The following KIF21A variants were observed in gnomAD, a reference collection of about 807,000 sequenced individuals.
The protein encoded by KIF21A is kinesin-like protein KIF21A.
Under a neutral mutation model 202.9 loss-of-function variants are expected in KIF21A, and 114 were observed. The ratio of observed to expected loss-of-function variants is 0.56; its 90% CI spans 0.48 to 0.66. The LOEUF (loss-of-function observed/expected upper bound fraction) is 0.66, where lower values mean the gene tolerates loss of function less well. Ranked by LOEUF, KIF21A falls within the 30% of genes least tolerant of loss-of-function variation. The pLI, the probability that KIF21A is intolerant of heterozygous loss-of-function variation, is 0.00. For synonymous variants in KIF21A, 667 were observed against 670.8 expected (o/e 0.99, Z 0.09); for missense variants, 1,677 against 1,994.9 (o/e 0.84, Z 3.04).
intron 1 of KIF21A, among the ~76,000 whole-genome samples, chr12:39,418,746 T>C (rs773978767): frequency 2.6e-5 from 4 of 152,220 alleles, no homozygotes; most frequent in Non-Finnish European, 5.9e-5. Context: ...TGTTACATGA[T>C]TGTGTTATAA....
chr12:39,327,315 T>C (rs1946050538), intron 24 of KIF21A, among the ~76,000 whole-genome samples: 1 of 152,138 alleles, frequency 6.6e-6, no homozygotes, highest in African/African-American at 2.4e-5. Flanking sequence ...TTACCTAAAA[T>C]AGAATCATAT....
intron 1 of KIF21A, among the ~76,000 whole-genome samples, chr12:39,408,568 T>TA (rs147323631): frequency 0.036 from 5,436 of 152,128 alleles, 338 homozygotes; most frequent in African/African-American, 0.12. Context: ...ATTCTCAAAC[T>TA]AAAAAAATAA....
chr12:39,332,596 G>A lies in KIF21A; in HGVS notation c.2851C>T (p.Leu951Phe). The A allele has an allele frequency of 6.2e-7, 1 of 1,611,556 alleles. No individual in the cohort carries two copies. Among genetic ancestry groups the A allele is most frequent in the Non-Finnish European group, 8.5e-7 (1 of 1,179,582 alleles). The change falls in exon 20 of 38, where the codon CTC becomes TTC. Residue 951 changes from leucine (L) to phenylalanine (F), a missense_variant. Coordinates refer to ENST00000361418, the MANE Select transcript of KIF21A (RefSeq NM_001173464.2). ...CTACTCTCTATTTTCCACACCTTGA[G>A]GAGTCTATTCATATCTGCCTCCATG... is the stretch of plus-strand genomic sequence containing the variant. Reference protein sequence around the residue: ...SNMEADMNRLLKQREELTKRR... With the variant: ...SNMEADMNRLFKQREELTKRR...
intron 1 of KIF21A, among the ~76,000 whole-genome samples, chr12:39,374,721 C>T (rs904712295): frequency 2.0e-5 from 3 of 152,090 alleles, no homozygotes; most frequent in African/African-American, 4.8e-5. Flanking sequence ...CATCACTTTA[C>T]TCTGTCACTG....
chr12:39,299,594 A>G, intron 37 of KIF21A, among the ~76,000 whole-genome samples: 1 of 152,084 alleles, frequency 6.6e-6, no homozygotes, highest in East Asian at 1.9e-4. Flanking sequence ...CAGCAATCTC[A>G]TTACTGGGTG....
chr12:39,370,046 T>C lies in KIF21A; in HGVS notation c.260A>G (p.Tyr87Cys). The change falls in exon 2 of 38, where the codon TAT becomes TGT. Residue 87 changes from tyrosine (Y) to cysteine (C), a missense_variant. Transcript: ENST00000361418. ...FEGYNATVFA[Y>C]GQTGAGKTYT... is the part of the protein sequence containing the mutation. The stretch of plus-strand genomic sequence containing the variant: ...AAATAATATGGCACTTACTTGTCCA[T>C]AAGCAAAAACTGTAGCATTGTATCC... 2 of 1,612,932 alleles carry C rather than the reference T, an allele frequency of 1.2e-6. No homozygotes were observed. Among genetic ancestry groups the C allele is most frequent in the Non-Finnish European group, 1.7e-6 (2 of 1,179,036 alleles).
At chr12:39,302,036 C>T (rs1943006951) in intron 36 of KIF21A, among the ~76,000 whole-genome samples, 1 of 152,102 alleles carries the variant, frequency 6.6e-6, no homozygotes, top group Non-Finnish European at 1.5e-5. Flanking sequence ...AAACTGCAAC[C>T]TGGTATGTGG....
chr12:39,421,794 T>C (rs969658420), intron 1 of KIF21A, among the ~76,000 whole-genome samples: 2 of 146,976 alleles, frequency 1.4e-5, no homozygotes, highest in African/African-American at 4.9e-5. Flanking sequence ...ATATGTATAA[T>C]TTTATATATT....
intron 1 of KIF21A, among the ~76,000 whole-genome samples, chr12:39,430,330 C>A (rs1239440883): frequency 6.6e-6 from 1 of 151,864 alleles, no homozygotes; most frequent in Non-Finnish European, 1.5e-5. Flanking sequence ...CTTTGGGAGG[C>A]CGAGGTGGGC....
At chr12:39,349,565 C>G (rs550371028) in intron 11 of KIF21A, among the ~76,000 whole-genome samples, 4 of 151,998 alleles carry the variant, frequency 2.6e-5, no homozygotes, top group Non-Finnish European at 4.4e-5. Flanking sequence ...TTCTGGAACT[C>G]TAGGTTTATT....
chr12:39,360,605 C>T (rs148073960), intron 7 of KIF21A, among the ~76,000 whole-genome samples: 43 of 152,166 alleles, frequency 2.8e-4, no homozygotes, highest in African/African-American at 1.0e-3. Flanking sequence ...GTTGGCCAGG[C>T]TGGTCTTCAA....
At position 39,333,226 on chromosome 12, in the gene KIF21A, G is replaced by T. The variant is rs751352937; in HGVS notation, c.2473C>A (p.Arg825Ser). The change falls in exon 18 of 38, where the codon CGC becomes AGC. Residue 825 changes from arginine to serine, a missense_variant. Physicochemically the swap from Arg to Ser is moderately radical, Grantham distance 110. This residue lies in a region of KIF21A where 966 missense variants were observed against 1,180.9 expected (regional missense o/e 0.82). Coordinates refer to ENST00000361418, the MANE Select transcript of KIF21A (RefSeq NM_001173464.2). The stretch of plus-strand genomic sequence containing the variant: ...GCTTACTGTACCTCTTCAGTTTTGC[G>T]ACGTAGAACCACTTCTTGGTTTCTT... ...QKRNQEVVLR[R>S]KTEEVTALRR... The T allele has an allele frequency of 6.2e-7, 1 of 1,613,692 alleles. No individual in the cohort carries two copies. The highest frequency in any genetic ancestry group is 8.5e-7 in the Non-Finnish European group (1 of 1,179,626).
chr12:39,368,452 A>G (rs1348390057), intron 3 of KIF21A, among the ~76,000 whole-genome samples: 1 of 152,172 alleles, frequency 6.6e-6, no homozygotes, highest in Non-Finnish European at 1.5e-5. Flanking sequence ...TAACGTGTTG[A>G]AAAATTAACA....
At position 39,351,834 on chromosome 12, in the gene KIF21A, T is replaced by C. The variant is rs1358721057; in HGVS notation, c.1616A>G (p.Asp539Gly). The change falls in exon 11 of 38, where the codon GAC (aspartate) becomes GGC (glycine). Residue 539 changes from aspartate (D) to glycine (G), a missense_variant. Physicochemically the swap from Asp to Gly is moderately conservative, Grantham distance 94. This residue lies in a region of KIF21A where 966 missense variants were observed against 1,180.9 expected (regional missense o/e 0.82). Transcript: ENST00000361418. ...CTTCTCTAAATCTTTTTTTGCTAGG[T>C]CTATAATTTCAATGGTTTCTTTGTC... ...SSDKETIEII[D>G]LAKKDLEKLK... The C allele has an allele frequency of 1.2e-6, 2 of 1,606,484 alleles. No homozygotes were observed. The highest frequency in any genetic ancestry group is 2.7e-5 in the African/African-American group (2 of 74,698).
At chr12:39,439,408 G>A (rs1204658087) in intron 1 of KIF21A, among the ~76,000 whole-genome samples, 5 of 151,956 alleles carry the variant, frequency 3.3e-5, no homozygotes, top group South Asian at 4.2e-4. Context: ...ATTTACATTC[G>A]TTTCTTCAGA....
chr12:39,408,798 T>C (rs1952822784), intron 1 of KIF21A, among the ~76,000 whole-genome samples: 1 of 148,140 alleles, frequency 6.8e-6, no homozygotes, highest in South Asian at 2.2e-4. Context: ...GAAGCAATAG[T>C]TGTGGGGGCT....
In KIF21A at chr12:39,393,475, C is replaced by T. The variant is rs1223479133; in HGVS notation, c.45-23214G>A. ...TGTTTCCATATGGGTTGTCCAGAGACACCCCTGGTGACTTGGCTGTGTTCG... is the reference window on the plus strand; with the variant it reads ...TGTTTCCATATGGGTTGTCCAGAGATACCCCTGGTGACTTGGCTGTGTTCG... On this transcript the variant is annotated intron_variant, in intron 1 of 37. Coordinates refer to ENST00000361418, the MANE Select transcript of KIF21A (RefSeq NM_001173464.2). Among the ~76,000 whole-genome samples the T allele has an allele frequency of 2.0e-5, 3 of 152,176 alleles. No homozygotes were observed. The East Asian group carries it at 5.8e-4, about 29-fold the overall frequency.
intron 1 of KIF21A, among the ~76,000 whole-genome samples, chr12:39,420,511 C>G (rs1280981830): frequency 6.6e-6 from 1 of 152,106 alleles, no homozygotes; most frequent in Non-Finnish European, 1.5e-5. Context: ...TCTTCTTCCT[C>G]AAATGTGTCT....
intron 1 of KIF21A, among the ~76,000 whole-genome samples, chr12:39,394,508 T>C (rs1466823536): frequency 1.3e-5 from 2 of 152,188 alleles, no homozygotes; most frequent in African/African-American, 2.4e-5. Flanking sequence ...ATTTACATAG[T>C]TTACATTAGT....
Sources: gnomAD v4.1 joint callset for allele counts (sites outside exome capture counted in the v4.1 genomes callset) on GRCh38, gnomAD v4.1.1 for gene constraint, gnomAD v4.1.1 regional missense constraint, MANE v1.5 for transcripts, NCBI Gene and HGNC (gene_info 2026-07-23, HGNC 2026-07-21) for gene names.